ANKFN1: variants seen among roughly 807,000 people sequenced by gnomAD.
The protein encoded by ANKFN1 is ankyrin repeat and fibronectin type III domain containing 1, also known as ankyrin repeat and fibronectin type-III domain-containing protein 1.
ANKFN1 carries 74 observed loss-of-function variants against 108.7 expected under a neutral mutation model. The ratio of observed to expected loss-of-function variants is 0.68; its 90% CI spans 0.56 to 0.83. The LOEUF (loss-of-function observed/expected upper bound fraction) is 0.83, where lower values mean the gene tolerates loss of function less well. ANKFN1 is among the 40% of genes least tolerant of loss of function. The pLI, the probability that ANKFN1 is intolerant of heterozygous loss-of-function variation, is 0.00. For synonymous variants in ANKFN1, 547 were observed against 516.2 expected (o/e 1.06, Z -0.81); for missense variants, 1,505 against 1,382.3 (o/e 1.09, Z -1.41).
At chr17:56,214,230 A>G (rs769776024) in intron 2 of ANKFN1, among the ~76,000 whole-genome samples, 5 of 152,152 alleles carry the variant, frequency 3.3e-5, no homozygotes, top group Non-Finnish European at 7.4e-5. Flanking sequence ...CCTCTGTTGT[A>G]GAGCTCTTTT....
At chr17:56,242,358 C>G (rs886745186) in intron 3 of ANKFN1, among the ~76,000 whole-genome samples, 1 of 152,006 alleles carries the variant, frequency 6.6e-6, no homozygotes, top group Non-Finnish European at 1.5e-5. Flanking sequence ...GTATAATATA[C>G]TTAATCTTTT....
At chr17:56,508,248 G>C (rs1335415398) in intron 20 of ANKFN1, among the ~76,000 whole-genome samples, 1 of 152,088 alleles carries the variant, frequency 6.6e-6, no homozygotes, top group Non-Finnish European at 1.5e-5. Flanking sequence ...CTCTCATCTT[G>C]TCAATTCTTC....
chr17:56,185,933 A>C (rs1448085734), intron 1 of ANKFN1, among the ~76,000 whole-genome samples: 3 of 152,202 alleles, frequency 2.0e-5, no homozygotes, highest in Non-Finnish European at 2.9e-5. Context: ...GTGAAAAAAA[A>C]AATAAGAAAA....
At position 56,080,890 on chromosome 17, in the gene ANKFN1, C is replaced by A. The variant is rs915363492; in HGVS notation, c.288+34565C>A. ...AACAAGGCACACATTCACCCACATG[C>A]TTGAGCCATTAGCTACTGATGGCTT... On this transcript the variant is annotated intron_variant, in intron 4 of 12. Coordinates refer to the ANKFN1 transcript ENST00000635860. Among the ~76,000 whole-genome samples, 10 of 152,298 alleles carry A rather than the reference C, an allele frequency of 6.6e-5. 1 individual carries two copies. The highest frequency in any genetic ancestry group is 6.5e-4 in the Admixed American group (10 of 15,298).
intron 2 of ANKFN1, among the ~76,000 whole-genome samples, chr17:56,214,721 A>G (rs1018058889): frequency 7.2e-5 from 11 of 152,146 alleles, no homozygotes; most frequent in Non-Finnish European, 1.6e-4. Flanking sequence ...ACTAATCCCA[A>G]AGGCTACTAG....
At chr17:56,129,578 A>G (rs568813467) in intron 4 of ANKFN1, among the ~76,000 whole-genome samples, 11 of 152,292 alleles carry the variant, frequency 7.2e-5, no homozygotes, top group African/African-American at 2.4e-4. Context: ...ACATAAGGTT[A>G]CTTTCTGAAA....
chr17:56,169,075 A>G (rs982556425), intron 1 of ANKFN1, among the ~76,000 whole-genome samples: 2 of 152,096 alleles, frequency 1.3e-5, no homozygotes, highest in Admixed American at 6.5e-5. Context: ...GGGGAAAACA[A>G]TGGTCTTTAG....
At chr17:56,272,800 G>A (rs937804342) in intron 3 of ANKFN1, among the ~76,000 whole-genome samples, 39 of 152,232 alleles carry the variant, frequency 2.6e-4, no homozygotes, top group African/African-American at 8.4e-4. Context: ...ATGGTGCACC[G>A]GTTACATTTT....
chr17:56,284,288 CTTAA>C (rs996751827), intron 3 of ANKFN1, among the ~76,000 whole-genome samples: 1 of 152,172 alleles, frequency 6.6e-6, no homozygotes, highest in Non-Finnish European at 1.5e-5. Flanking sequence ...CAGCAATAGA[CTTAA>C]TTGTTACAAA....
intron 15 of ANKFN1, among the ~76,000 whole-genome samples, chr17:56,475,776 C>T (rs1598683183): frequency 6.6e-6 from 1 of 152,176 alleles, no homozygotes; most frequent in Non-Finnish European, 1.5e-5. Context: ...ACTTTACTCT[C>T]TTAGTTGTTT....
At chr17:56,051,652 C>T (rs1423827346) in intron 4 of ANKFN1, among the ~76,000 whole-genome samples, 8 of 134,728 alleles carry the variant, frequency 5.9e-5, no homozygotes, top group Non-Finnish European at 9.5e-5. Context: ...GATGACATGA[C>T]TGTATATCTA....
chr17:56,427,474 A>G (rs902285479), intron 8 of ANKFN1, among the ~76,000 whole-genome samples: 1 of 152,030 alleles, frequency 6.6e-6, no homozygotes, highest in Non-Finnish European at 1.5e-5. Flanking sequence ...TGTAGCTGAT[A>G]TGAACATACA....
At chr17:56,144,805 C>T (rs901679415) in intron 4 of ANKFN1, among the ~76,000 whole-genome samples, 26 of 152,146 alleles carry the variant, frequency 1.7e-4, no homozygotes, top group Admixed American at 1.4e-3. Context: ...GTCTGAGGCA[C>T]AAATCCCTGA....
chr17:56,206,219 T>C (rs529329776), intron 1 of ANKFN1, among the ~76,000 whole-genome samples: 1 of 152,308 alleles, frequency 6.6e-6, no homozygotes, highest in South Asian at 2.1e-4. Context: ...TATATAGTAT[T>C]TTATTTGCTA....
intron 3 of ANKFN1, among the ~76,000 whole-genome samples, chr17:56,239,690 T>C (rs1193331054): frequency 6.6e-6 from 1 of 152,082 alleles, no homozygotes; most frequent in Non-Finnish European, 1.5e-5. Context: ...GGATTAGACA[T>C]TTTCGCTCCT....
In ANKFN1 at chr17:56,514,742, C is replaced by G. The variant is rs1219976512; in HGVS notation, c.*3473C>G. ...TTAGTAATAATATTTCGCCAGTCCT[C>G]TTTCCTGAAGGATCCCAAAGCACTT... On this transcript the variant is annotated 3_prime_UTR_variant, in exon 21 of 21. Transcript: ENST00000682825. Among the ~76,000 whole-genome samples the G allele has an allele frequency of 6.6e-6, 1 of 152,186 alleles. No individual in the cohort carries two copies. Among genetic ancestry groups the G allele is most frequent in the African/African-American group, 2.4e-5 (1 of 41,442 alleles).
chr17:56,353,307 C>G (rs1371090205), intron 5 of ANKFN1, among the ~76,000 whole-genome samples: 1 of 151,344 alleles, frequency 6.6e-6, no homozygotes, highest in African/African-American at 2.4e-5. Context: ...GCAATCTCAG[C>G]TGACTGCAAC....
rs1015511835 is a variant in ANKFN1 at position 56,510,888 on chromosome 17, C to G, written c.3060C>G (p.Ile1020Met). ...GFSRHHRWLR[I>M]HSETQSLSLS... ...GCCGCCATCATCGCTGGTTGCGCAT[C>G]CACAGCGAGACCCAGTCGCTATCGC... The change falls in exon 21 of 21, where the codon ATC becomes ATG. Residue 1020 changes from isoleucine (I) to methionine (M), a missense_variant. Coordinates refer to ENST00000682825, the MANE Select transcript of ANKFN1 (RefSeq NM_001370326.1). The G allele has an allele frequency of 4.0e-5, 61 of 1,536,066 alleles. No individual in the cohort carries two copies. Among genetic ancestry groups the G allele is most frequent in the Non-Finnish European group, 5.3e-5 (61 of 1,146,922 alleles).
chr17:56,153,722 G>T, intron 1 of ANKFN1, 192 bp downstream of exon 1: 1 of 720,444 alleles, frequency 1.4e-6, no homozygotes, highest in Non-Finnish European at 2.4e-6. Flanking sequence ...AGTAGTTTGG[G>T]TCTGTAATGT....
Sources: allele counts gnomAD v4.1 joint callset (sites outside exome capture counted in the v4.1 genomes callset), GRCh38; gene constraint gnomAD v4.1.1; transcripts MANE v1.5; gene names NCBI Gene and HGNC (gene_info 2026-07-23, HGNC 2026-07-21).